The following SMIM35 variants were observed in gnomAD, a reference collection of about 807,000 sequenced individuals.
SMIM35 encodes the protein small integral membrane protein 35, also known as TMPRSS4 antisense RNA 1 (non-protein coding).
At chr11:118,027,254 C>G (rs2058282589) in intron 1 of SMIM35, among the ~76,000 whole-genome samples, 1 of 150,364 alleles carries the variant, frequency 6.7e-6, no homozygotes, top group African/African-American at 2.5e-5. Context: ...GTCTCGATCT[C>G]CTGACCTCAT....
intron 1 of SMIM35, among the ~76,000 whole-genome samples, chr11:118,038,195 G>A (rs375396973): frequency 1.3e-5 from 2 of 152,234 alleles, no homozygotes; most frequent in Admixed American, 6.5e-5. Flanking sequence ...GGAGGCCGAG[G>A]GGGCAGGCTT....
intron 1 of SMIM35, among the ~76,000 whole-genome samples, chr11:118,068,931 G>T (rs6589643): frequency 1.4e-4 from 21 of 152,290 alleles, no homozygotes; most frequent in African/African-American, 4.6e-4. Flanking sequence ...ATCATCCGTG[G>T]GATTTGGCAA....
intron 1 of SMIM35, among the ~76,000 whole-genome samples, chr11:118,018,160 C>T (rs1324505396): frequency 6.6e-6 from 1 of 152,102 alleles, no homozygotes; most frequent in Non-Finnish European, 1.5e-5. Context: ...AGCCCTGGGT[C>T]ATGAGCAGGA....
At chr11:118,029,708 G>A (rs570812809) in intron 1 of SMIM35, 103 of 457,298 alleles carry the variant, frequency 2.3e-4, no homozygotes, top group Non-Finnish European at 3.0e-4. Flanking sequence ...AACCAGTCTC[G>A]TTACACCCTA....
At chr11:118,028,329 G>A (rs2058291018) in intron 1 of SMIM35, among the ~76,000 whole-genome samples, 1 of 152,196 alleles carries the variant, frequency 6.6e-6, no homozygotes, top group African/African-American at 2.4e-5. Context: ...ATGCCCTAAG[G>A]CTCTTTAGCC....
intron 1 of SMIM35, among the ~76,000 whole-genome samples, chr11:118,061,184 G>A (rs868477614): frequency 1.3e-5 from 2 of 152,230 alleles, no homozygotes; most frequent in Non-Finnish European, 2.9e-5. Context: ...AGGCCAAGGC[G>A]CAAGCCCAGC....
At chr11:118,050,677 C>T (rs1565392136) in intron 1 of SMIM35, among the ~76,000 whole-genome samples, 1 of 152,180 alleles carries the variant, frequency 6.6e-6, no homozygotes, top group Non-Finnish European at 1.5e-5. Context: ...TCATAAGTGC[C>T]GGCCGATGCA....
In SMIM35 at chr11:118,003,822, A is replaced by C. The variant is rs1211132055; in HGVS notation, c.*2588T>G. The C allele has an allele frequency of 6.6e-6, 1 of 152,226 alleles. No individual in the cohort carries two copies. The highest frequency in any genetic ancestry group is 1.9e-4 in the East Asian group (1 of 5,200). The allele number at this position is 152,226 out of a possible 1,614,324, so 9.4% of individuals were successfully genotyped here. ...AGCAAATAAACACAACAAACGTATT[A>C]CTACAATCAGTGATAAGTGATGTGA... is the stretch of plus-strand genomic sequence containing the variant. On this transcript the variant is annotated 3_prime_UTR_variant, in exon 5 of 5. Coordinates refer to ENST00000689828, the MANE Select transcript of SMIM35 (RefSeq NM_001394165.1).
At chr11:118,060,496 G>A (rs778486532) in intron 1 of SMIM35, among the ~76,000 whole-genome samples, 9 of 152,216 alleles carry the variant, frequency 5.9e-5, no homozygotes, top group African/African-American at 1.4e-4. Context: ...TTCCCAGGCC[G>A]GCAGCGAGGG....
At chr11:118,083,021 C>T (rs1396770274) in intron 1 of SMIM35, among the ~76,000 whole-genome samples, 4 of 152,142 alleles carry the variant, frequency 2.6e-5, no homozygotes, top group Non-Finnish European at 5.9e-5. Context: ...GGACTGTCCC[C>T]CACCCCCGCC....
chr11:118,079,700 G>T (rs567332760), intron 1 of SMIM35, among the ~76,000 whole-genome samples: 1 of 151,908 alleles, frequency 6.6e-6, no homozygotes, highest in East Asian at 1.9e-4. Flanking sequence ...CCTGTTTTCC[G>T]TGCCAGCCTG....
chr11:118,041,238 T>C (rs1943995334), intron 1 of SMIM35, among the ~76,000 whole-genome samples: 1 of 152,116 alleles, frequency 6.6e-6, no homozygotes, highest in Non-Finnish European at 1.5e-5. Flanking sequence ...AAATTCCACT[T>C]TTAATATTGG....
At chr11:118,046,985 A>G (rs978600667) in intron 1 of SMIM35, among the ~76,000 whole-genome samples, 3 of 152,250 alleles carry the variant, frequency 2.0e-5, no homozygotes, top group African/African-American at 7.2e-5. Flanking sequence ...ATAAATAAAC[A>G]TTTTAAATTT....
intron 1 of SMIM35, among the ~76,000 whole-genome samples, chr11:118,063,912 G>GT (rs1944429877): frequency 6.6e-6 from 1 of 152,172 alleles, no homozygotes; most frequent in Non-Finnish European, 1.5e-5. Flanking sequence ...ACCTGTAAAG[G>GT]TAAGTGTTCT....
chr11:118,077,886 GC>G (rs1944787384), intron 1 of SMIM35, among the ~76,000 whole-genome samples: 1 of 151,956 alleles, frequency 6.6e-6, no homozygotes, highest in Non-Finnish European at 1.5e-5. Flanking sequence ...GGTGGCAGGT[GC>G]CTGTAATCCC....
chr11:118,075,545 C>G (rs1416742479), intron 1 of SMIM35, among the ~76,000 whole-genome samples: 2 of 152,234 alleles, frequency 1.3e-5, no homozygotes, highest in Non-Finnish European at 2.9e-5. Flanking sequence ...GTAAGAGAAC[C>G]AGGTTCCAGC....
At position 118,067,009 on chromosome 11, in the gene SMIM35, C is replaced by T. The variant is rs889948757; in HGVS notation, c.7+19742G>A. Among the ~76,000 whole-genome samples, 3 of 152,102 alleles carry T rather than the reference C, an allele frequency of 2.0e-5. No individual in the cohort carries two copies. The East Asian group carries it at 5.8e-4, about 29-fold the overall frequency. ...GCTTGCCTGCATCCTTCTCTTAATC[C>T]CTGATATCTTTTCAGGAAATTTCCT... On this transcript the variant is annotated intron_variant, in intron 1 of 4. Transcript: ENST00000689828.
intron 1 of SMIM35, among the ~76,000 whole-genome samples, chr11:118,066,837 A>G (rs965602098): frequency 6.9e-6 from 1 of 144,728 alleles, no homozygotes; most frequent in African/African-American, 2.6e-5. Flanking sequence ...AAAAAAAAAA[A>G]TCAAAACATT....
intron 1 of SMIM35, among the ~76,000 whole-genome samples, chr11:118,049,226 T>C (rs1254564319): frequency 1.3e-5 from 2 of 149,510 alleles, no homozygotes; most frequent in Non-Finnish European, 3.0e-5. Context: ...CTGCCAAGAG[T>C]GGCCGGGAGA....
Sources: allele counts gnomAD v4.1 joint callset (sites outside exome capture counted in the v4.1 genomes callset), GRCh38; gene constraint gnomAD v4.1.1; transcripts MANE v1.5; gene names NCBI Gene and HGNC (gene_info 2026-07-23, HGNC 2026-07-21).